Variants in PRKN observed in about 807,000 individuals in gnomAD.
PRKN encodes E3 ubiquitin-protein ligase parkin.
Under a neutral mutation model 59.5 loss-of-function variants are expected in PRKN, and 56 were observed. The observed-to-expected ratio is 0.94, with a 90% confidence interval of 0.76 to 1.18. The LOEUF is 1.18. Among genes scored for constraint, PRKN ranks in the 50% most tolerant of loss-of-function variants. The probability of loss-of-function intolerance (pLI) is 0.00; values close to 1 mark genes in which losing one functional copy is unlikely to be tolerated. For synonymous variants in PRKN, 250 were observed against 222.1 expected, an observed-to-expected ratio of 1.13 and a Z score of -1.12; for missense variants, 657 against 596.4, an observed-to-expected ratio of 1.10 and a Z score of -1.06.
At position 161,428,880 on chromosome 6, in the gene PRKN, T is replaced by C. The variant is rs555870480; in HGVS notation, c.1084-42003A>G. ...TGCCAGTGTTTCAAGCAGGCCTCTA[T>C]CATGTGCTGACCTATGGCTAGGGGT... On this transcript the variant is annotated intron_variant, in intron 9 of 11. Coordinates refer to ENST00000366898, the MANE Select transcript of PRKN (RefSeq NM_004562.3). This position sits in a 1 kb window ranked among gnomAD's most constrained non-coding sequence, Gnocchi z 4.0. Among the ~76,000 whole-genome samples the C allele has an allele frequency of 1.1e-4, 16 of 152,290 alleles. No homozygotes were observed. The highest frequency in any genetic ancestry group is 9.6e-5 in the African/African-American group (4 of 41,554).
chr6:162,637,723 C>T (rs1777784470), intron 1 of PRKN, among the ~76,000 whole-genome samples: 1 of 152,132 alleles, frequency 6.6e-6, no homozygotes, highest in Non-Finnish European at 1.5e-5. Flanking sequence ...AATAATTTTA[C>T]CAAATCCTTG....
chr6:161,854,098 A>AAG (rs1793548186), intron 6 of PRKN, among the ~76,000 whole-genome samples: 1 of 151,018 alleles, frequency 6.6e-6, no homozygotes, highest in Non-Finnish European at 1.5e-5. Flanking sequence ...AAAAAAAAAA[A>AAG]AAAAAAATTA....
chr6:162,692,085 T>A (rs1259323915), intron 1 of PRKN, among the ~76,000 whole-genome samples: 2 of 152,104 alleles, frequency 1.3e-5, no homozygotes, highest in Non-Finnish European at 1.5e-5. Context: ...TTTGGTGTTT[T>A]GGACATGAAG....
At position 161,467,536 on chromosome 6, in the gene PRKN, T is replaced by G. The variant is rs1199923081; in HGVS notation, c.1084-80659A>C. Among the ~76,000 whole-genome samples the G allele has an allele frequency of 1.3e-5, 2 of 152,170 alleles. No homozygotes were observed. The highest frequency in any genetic ancestry group is 2.9e-5 in the Non-Finnish European group (2 of 68,030). On this transcript the variant is annotated intron_variant, in intron 9 of 11. Transcript: ENST00000366898. This position sits in a 1 kb window ranked among gnomAD's most constrained non-coding sequence, Gnocchi z 4.3. The stretch of plus-strand genomic sequence containing the variant: ...CAATTTTAATACAATGCTTTACTGT[T>G]GTATAACAGAGAAACATGCAGATTG...
intron 1 of PRKN, among the ~76,000 whole-genome samples, chr6:162,659,322 G>GAC (rs201275653): frequency 0.16 from 5,147 of 32,610 alleles, 315 homozygotes; most frequent in African/African-American, 0.37. Flanking sequence ...TTTGATTTGT[G>GAC]ACAGATAACA....
chr6:162,101,951 CT>C (rs1779988747), intron 4 of PRKN, among the ~76,000 whole-genome samples: 1 of 152,212 alleles, frequency 6.6e-6, no homozygotes, highest in African/African-American at 2.4e-5. Context: ...CATTGATACA[CT>C]ATTAGCATTT....
Position 161,440,593 on chromosome 6 carries a change from T to C in PRKN, c.1084-53716A>G, listed in dbSNP as rs1789162782. 6.6e-6 allele frequency among the ~76,000 whole-genome samples: 1 copy of C among 152,156 alleles called. No individual in the cohort carries two copies. Among genetic ancestry groups the C allele is most frequent in the East Asian group, 1.9e-4 (1 of 5,190 alleles). ...GGGTCTGGGAGTTGCTGGAAATGGA[T>C]AAGAAAATCCTAGTTCTACCTCGCA... On this transcript the variant is annotated intron_variant, in intron 9 of 11. Transcript: ENST00000366898. The surrounding 1 kb of genome is among the most constrained non-coding windows in gnomAD (Gnocchi z 4.1).
At chr6:162,619,144 C>CT (rs144005690) in intron 1 of PRKN, among the ~76,000 whole-genome samples, 5,687 of 132,134 alleles carry the variant, frequency 0.043, 175 homozygotes, top group Non-Finnish European at 0.065. Flanking sequence ...AGTATTTTTC[C>CT]TTTTTTTTTT....
chr6:162,421,130 T>C (rs1788939245), intron 2 of PRKN, among the ~76,000 whole-genome samples: 1 of 152,152 alleles, frequency 6.6e-6, no homozygotes, highest in Non-Finnish European at 1.5e-5. Flanking sequence ...GAACTCCAGG[T>C]AATCATTAAT....
chr6:162,133,786 C>A (rs1182045732), intron 4 of PRKN, among the ~76,000 whole-genome samples: 1 of 151,892 alleles, frequency 6.6e-6, no homozygotes, highest in Non-Finnish European at 1.5e-5. Flanking sequence ...CTCTGATGTC[C>A]CAGAAGTCAT....
chr6:161,824,140 C>T (rs1792145404), intron 6 of PRKN, among the ~76,000 whole-genome samples: 1 of 152,184 alleles, frequency 6.6e-6, no homozygotes, highest in Non-Finnish European at 1.5e-5. Context: ...ACTGTGTCCA[C>T]ACACCCACCC....
intron 1 of PRKN, among the ~76,000 whole-genome samples, chr6:162,446,897 T>C (rs987096365): frequency 2.0e-5 from 3 of 152,164 alleles, no homozygotes; most frequent in Admixed American, 6.5e-5. Flanking sequence ...TCTCCCCACC[T>C]ACTACCTCTT....
At chr6:161,773,960 G>A (rs1218686060) in intron 7 of PRKN, among the ~76,000 whole-genome samples, 1 of 152,102 alleles carries the variant, frequency 6.6e-6, no homozygotes, top group Non-Finnish European at 1.5e-5. Flanking sequence ...TCAAACGGAC[G>A]GACGGAATCA....
intron 3 of PRKN, among the ~76,000 whole-genome samples, chr6:162,207,612 TA>T: frequency 6.6e-6 from 1 of 152,172 alleles, no homozygotes; most frequent in Non-Finnish European, 1.5e-5. Context: ...TCCGTCTCAC[TA>T]TGTGAGTGGA....
At chr6:162,214,624 G>T (rs889303214) in intron 3 of PRKN, among the ~76,000 whole-genome samples, 1 of 152,158 alleles carries the variant, frequency 6.6e-6, no homozygotes, top group South Asian at 2.1e-4. Flanking sequence ...CTGTATATTT[G>T]CAGACTTTTA....
In PRKN at chr6:161,552,099, G is replaced by C. The variant is rs1245779492; in HGVS notation, c.934-3096C>G. Among the ~76,000 whole-genome samples the C allele has an allele frequency of 6.6e-6, 1 of 152,180 alleles. No homozygotes were observed. Among genetic ancestry groups the C allele is most frequent in the Non-Finnish European group, 1.5e-5 (1 of 68,030 alleles). ...CTGGGCGGCACCCAGGCCCTCCTGAGGTCAGAGATGATGAATTTAAAGGAA... is the reference window on the plus strand; with the variant it reads ...CTGGGCGGCACCCAGGCCCTCCTGACGTCAGAGATGATGAATTTAAAGGAA... On this transcript the variant is annotated intron_variant, in intron 8 of 11. Transcript: ENST00000366898. This position sits in a 1 kb window ranked among gnomAD's most constrained non-coding sequence, Gnocchi z 4.9.
chr6:162,289,505 T>C (rs1012951680), intron 2 of PRKN, among the ~76,000 whole-genome samples: 14 of 151,794 alleles, frequency 9.2e-5, no homozygotes, highest in African/African-American at 3.1e-4. Flanking sequence ...TTCGAGACCA[T>C]GGCCAACATG....
At chr6:161,765,536 G>A (rs1789388321) in intron 7 of PRKN, among the ~76,000 whole-genome samples, 1 of 152,150 alleles carries the variant, frequency 6.6e-6, no homozygotes, top group African/African-American at 2.4e-5. Flanking sequence ...GTACAGTTAA[G>A]CATACTTTAT....
At chr6:161,433,054 G>C (rs1788723263) in intron 9 of PRKN, among the ~76,000 whole-genome samples, 2 of 152,118 alleles carry the variant, frequency 1.3e-5, no homozygotes, top group African/African-American at 4.8e-5. Flanking sequence ...CTTTGTTCCT[G>C]AAGATTTTGA....
Sources: allele counts gnomAD v4.1 joint callset (sites outside exome capture counted in the v4.1 genomes callset), GRCh38; gene constraint gnomAD v4.1.1; non-coding constraint Gnocchi (gnomAD v3.1); transcripts MANE v1.5; gene names NCBI Gene and HGNC (gene_info 2026-07-23, HGNC 2026-07-21).